The following HIPK3 variants were observed in gnomAD, a reference collection of about 807,000 sequenced individuals.
HIPK3 encodes the protein homeodomain-interacting protein kinase 3.
HIPK3 carries 47 observed loss-of-function variants against 124.2 expected under a neutral mutation model. The ratio of observed to expected loss-of-function variants is 0.38; its 90% CI spans 0.30 to 0.48. The LOEUF (loss-of-function observed/expected upper bound fraction) is 0.48, where lower values mean the gene tolerates loss of function less well. Ranked by LOEUF, HIPK3 falls within the 20% of genes least tolerant of loss-of-function variation. The pLI is 0.98. For missense variants in HIPK3, 1,286 were observed against 1,454.3 expected (o/e 0.88, Z 1.88); for synonymous variants, 482 against 515.2 (o/e 0.94, Z 0.87).
intron 4 of HIPK3, among the ~76,000 whole-genome samples, chr11:33,337,668 CT>C (rs1853196658): frequency 6.6e-6 from 1 of 151,264 alleles, no homozygotes. Flanking sequence ...GTCCTTCTCT[CT>C]CTCTTTCTCT....
chr11:33,295,277 G>GCCCCCCCC, intron 2 of HIPK3, among the ~76,000 whole-genome samples: 1 of 106,634 alleles, frequency 9.4e-6, no homozygotes, highest in Non-Finnish European at 1.9e-5. Flanking sequence ...AGCCACCACC[G>GCCCCCCCC]CCCCCCCCCC....
chr11:33,301,821 G>GACACACACACACCC (rs1852007376), intron 2 of HIPK3, among the ~76,000 whole-genome samples: 1 of 127,470 alleles, frequency 7.8e-6, no homozygotes, highest in East Asian at 2.3e-4. Flanking sequence ...AACCCTGTCT[G>GACACACACACACCC]ACACACACAC....
intron 1 of HIPK3, among the ~76,000 whole-genome samples, chr11:33,285,578 A>AAAT (rs1335996576): frequency 2.6e-5 from 1 of 38,364 alleles, no homozygotes; most frequent in Non-Finnish European, 6.6e-5. Context: ...AAAAAAAAAA[A>AAAT]ATATATATAT....
chr11:33,258,237 G>A (rs1850723338), intron 1 of HIPK3: 1 of 906,956 alleles, frequency 1.1e-6, no homozygotes, highest in South Asian at 5.1e-5. Context: ...TTGCGCAACG[G>A]CTCTTCCCAG....
At chr11:33,329,544 T>C (rs1237561680) in intron 3 of HIPK3, among the ~76,000 whole-genome samples, 2 of 152,228 alleles carry the variant, frequency 1.3e-5, no homozygotes, top group African/African-American at 4.8e-5. Context: ...TTAGGTGACT[T>C]AAATGTTCCT....
upstream of HIPK3, chr11:33,256,732 C>T (rs1850675052): frequency 3.1e-6 from 3 of 983,192 alleles, no homozygotes; most frequent in South Asian, 9.4e-5. Flanking sequence ...ACTAATTTAA[C>T]GGAGAATTAC....
intron 2 of HIPK3, 76 bp from the exon 3 acceptor site, chr11:33,328,434 T>G: frequency 6.9e-7 from 1 of 1,445,834 alleles, no homozygotes; most frequent in Non-Finnish European, 9.6e-7. Context: ...TTTTACCAAC[T>G]TCCTAGAATG....
At chr11:33,305,501 C>G (rs140828078) in intron 2 of HIPK3, among the ~76,000 whole-genome samples, 1,554 of 152,308 alleles carry the variant, frequency 0.01, 7 homozygotes, top group Non-Finnish European at 0.015. Context: ...TTACCCTTTA[C>G]TCTGACACCA....
At position 33,353,765 on chromosome 11, in the gene HIPK3, A is replaced by T. The variant is rs1179023799; in HGVS notation, c.*197A>T. 5 of 539,986 alleles carry T rather than the reference A, an allele frequency of 9.3e-6. No homozygotes were observed. In the East Asian group the frequency reaches 1.3e-4, roughly 14 times the overall value. The allele number at this position is 539,986 out of a possible 1,614,324, so 33.4% of individuals were successfully genotyped here. A position where few individuals can be genotyped will look rare whatever the true frequency, so the allele number is the denominator to read the frequency against. ...GGTATAACTTGTCTTTGGTCATGTT[A>T]TCTTCTTATGTAGTAACTCTAGACA... On this transcript the variant is annotated 3_prime_UTR_variant, in exon 17 of 17. Coordinates refer to ENST00000303296, the MANE Select transcript of HIPK3 (RefSeq NM_005734.5).
At chr11:33,323,220 A>G (rs1252711720) in intron 2 of HIPK3, among the ~76,000 whole-genome samples, 1 of 152,192 alleles carries the variant, frequency 6.6e-6, no homozygotes, top group Non-Finnish European at 1.5e-5. Flanking sequence ...CACAAAGACT[A>G]CGTATTATGG....
In HIPK3 at chr11:33,338,750, C is replaced by A. The variant is rs1294740187; in HGVS notation, c.1342-7C>A. The A allele has an allele frequency of 1.3e-6, 2 of 1,579,204 alleles. No individual in the cohort carries two copies. The highest frequency in any genetic ancestry group is 1.7e-6 in the Non-Finnish European group (2 of 1,150,092). ...TATTCTTTTTTCCCTTTGATATATG[C>A]AATAAGACATTGGAAGAGCATGAGG... On this transcript the variant is annotated splice_region_variant and splice_polypyrimidine_tract_variant and intron_variant, in intron 4 of 16. Transcript: ENST00000303296.
chr11:33,272,021 G>A (rs954642581), intron 1 of HIPK3, among the ~76,000 whole-genome samples: 1 of 152,144 alleles, frequency 6.6e-6, no homozygotes, highest in South Asian at 2.1e-4. Context: ...CAGCTTATAA[G>A]CAACTCAAAA....
At chr11:33,340,364 C>T (rs1853295193) in intron 6 of HIPK3, among the ~76,000 whole-genome samples, 1 of 152,226 alleles carries the variant, frequency 6.6e-6, no homozygotes, top group African/African-American at 2.4e-5. Context: ...GTGTGTGCCA[C>T]TGCACCTGGC....
intron 2 of HIPK3, among the ~76,000 whole-genome samples, chr11:33,316,728 G>A (rs1054550791): frequency 2.6e-5 from 4 of 152,100 alleles, no homozygotes; most frequent in Non-Finnish European, 5.9e-5. Flanking sequence ...GATGCTGGAG[G>A]GAGGAGGATT....
chr11:33,265,610 C>CA (rs1201953426), intron 1 of HIPK3, among the ~76,000 whole-genome samples: 1 of 150,902 alleles, frequency 6.6e-6, no homozygotes. Flanking sequence ...CCCATCTCTA[C>CA]AAAAAATACA....
At chr11:33,280,749 T>A (rs1391260726) in intron 1 of HIPK3, among the ~76,000 whole-genome samples, 1 of 152,196 alleles carries the variant, frequency 6.6e-6, no homozygotes, top group African/African-American at 2.4e-5. Flanking sequence ...GCAGCAGTTT[T>A]AAAAATTTCT....
Position 33,286,598 on chromosome 11 carries a change from T to C in HIPK3, c.184T>C (p.Phe62Leu). The change falls in exon 2 of 17, where the codon TTT becomes CTT. Residue 62 changes from phenylalanine (F) to leucine (L), a missense_variant. Phe to Leu is a conservative substitution (Grantham distance 22). Transcript: ENST00000303296. ...NSHPPTKGSA[F>L]QTKIPFNRPR... ...TCATCCTCCCACTAAGGGTAGTGCT[T>C]TTCAGACAAAGATACCATTTAATAG... The C allele has an allele frequency of 2.5e-6, 4 of 1,614,114 alleles. No homozygotes were observed. The highest frequency in any genetic ancestry group is 2.5e-6 in the Non-Finnish European group (3 of 1,180,026).
In HIPK3 at chr11:33,354,574, A is replaced by T. The variant is rs1680659654; in HGVS notation, c.*1006A>T. 6.6e-6 allele frequency: 1 copy of T among 152,550 alleles called. No homozygotes were observed. Among genetic ancestry groups the T allele is most frequent in the Non-Finnish European group, 1.5e-5 (1 of 67,996 alleles). 9.4% of individuals were successfully genotyped at this position (152,550 alleles called of 1,614,324 possible). A position where few individuals can be genotyped will look rare whatever the true frequency, so the allele number is the denominator to read the frequency against. On this transcript the variant is annotated 3_prime_UTR_variant, in exon 17 of 17. Coordinates refer to ENST00000303296, the MANE Select transcript of HIPK3 (RefSeq NM_005734.5). ...AATGCAAAATGCTCATTGATTCATG[A>T]TGTGGTTTTATCTTAGCTTGGGCAA...
At chr11:33,305,287 C>A (rs1261405382) in intron 2 of HIPK3, among the ~76,000 whole-genome samples, 1 of 152,180 alleles carries the variant, frequency 6.6e-6, no homozygotes, top group Non-Finnish European at 1.5e-5. Flanking sequence ...TAGGCTTGAC[C>A]CACCATGCCT....
Sources: gnomAD v4.1 joint callset for allele counts (sites outside exome capture counted in the v4.1 genomes callset) on GRCh38, gnomAD v4.1.1 for gene constraint, MANE v1.5 for transcripts, NCBI Gene and HGNC (gene_info 2026-07-23, HGNC 2026-07-21) for gene names.